Variants in DOCK1 observed in about 807,000 individuals in gnomAD.
The protein encoded by DOCK1 is dedicator of cytokinesis protein 1.
In DOCK1, 138 loss-of-function variants were observed where a neutral mutation model predicts 262.7. The ratio of observed to expected loss-of-function variants is 0.53; its 90% CI spans 0.46 to 0.61. DOCK1 has a LOEUF of 0.61. Ranked by LOEUF, DOCK1 falls within the 20% of genes least tolerant of loss-of-function variation. The pLI, the probability that DOCK1 is intolerant of heterozygous loss-of-function variation, is 0.00. For synonymous variants in DOCK1, 866 were observed against 867.4 expected, an observed-to-expected ratio of 1.00 and a Z score of 0.03; for missense variants, 1,908 against 2,370.7, an observed-to-expected ratio of 0.80 and a Z score of 4.05.
Position 127,110,286 on chromosome 10 carries a change from G to C in DOCK1, c.2555G>C (p.Gly852Ala). 6.2e-7 allele frequency: 1 copy of C among 1,613,576 alleles called. No individual in the cohort carries two copies. Among genetic ancestry groups the C allele is most frequent in the Non-Finnish European group, 8.5e-7 (1 of 1,179,774 alleles). The change falls in exon 25 of 52, where the codon GGC (glycine) becomes GCC (alanine). Residue 852 changes from glycine (G) to alanine (A), a missense_variant. Gly to Ala is a moderately conservative substitution (Grantham distance 60, BLOSUM62 0). Around this residue, in one of 9 missense-constraint regions of DOCK1, gnomAD observed 518 missense variants for 575.1 expected, o/e 0.90. Coordinates refer to ENST00000623213, the MANE Select transcript of DOCK1 (RefSeq NM_001290223.2). ...GAATTCATCCTCAATGTTCCCATGG[G>C]CTTGCTGACCATCCAGAAACTCTAC... ...FTEFILNVPM[G>A]LLTIQKLYCL... is the part of the protein sequence containing the mutation.
chr10:127,073,307 C>T (rs768427537), intron 23 of DOCK1, among the ~76,000 whole-genome samples: 10 of 152,110 alleles, frequency 6.6e-5, no homozygotes, highest in South Asian at 2.1e-4. Context: ...CAACTGATTC[C>T]GAAGTTCATG....
intron 6 of DOCK1, among the ~76,000 whole-genome samples, chr10:126,994,440 T>C (rs1276407183): frequency 1.3e-5 from 2 of 152,216 alleles, no homozygotes; most frequent in Non-Finnish European, 2.9e-5. Flanking sequence ...CAAAGGTCTC[T>C]GGTTTTCCTA....
At chr10:126,909,674 C>T (rs904923016) in intron 1 of DOCK1, among the ~76,000 whole-genome samples, 11 of 152,156 alleles carry the variant, frequency 7.2e-5, no homozygotes, top group Non-Finnish European at 1.5e-4. Flanking sequence ...CTTTCTTAGC[C>T]TTGGTTTTCT....
chr10:127,341,698 G>T (rs945384149), intron 30 of DOCK1, among the ~76,000 whole-genome samples: 1 of 152,112 alleles, frequency 6.6e-6, no homozygotes, highest in African/African-American at 2.4e-5. Context: ...CCTGGCTTTC[G>T]TCCTGTTTCA....
rs1226075729 is a variant in DOCK1 at position 127,043,157 on chromosome 10, G to T, written c.2194G>T (p.Ala732Ser). 1.9e-6 allele frequency: 3 copies of T among 1,606,366 alleles called. No homozygotes were observed. The highest frequency in any genetic ancestry group is 8.5e-7 in the Non-Finnish European group (1 of 1,176,040). ...TAAGAAACACTTTAGTGCAACGTTA[G>T]CCTACACGTAAGTTCCTACTTTGTT... is the stretch of plus-strand genomic sequence containing the variant. ...YIKKHFSATL[A>S]YTKLTKVLKN... is the part of the protein sequence containing the mutation. Residue 732 changes from alanine to serine, a missense_variant, in exon 21 of 52, where the codon GCC becomes TCC. Coordinates refer to ENST00000623213, the MANE Select transcript of DOCK1 (RefSeq NM_001290223.2).
At chr10:127,448,948 G>A (rs577753643) in intron 51 of DOCK1, among the ~76,000 whole-genome samples, 1 of 152,144 alleles carries the variant, frequency 6.6e-6, no homozygotes, top group African/African-American at 2.4e-5. Flanking sequence ...GGGTGTTTGT[G>A]TACAGCATAC....
chr10:127,209,649 G>C (rs766070593), intron 27 of DOCK1, among the ~76,000 whole-genome samples: 16 of 152,172 alleles, frequency 1.1e-4, no homozygotes, highest in Non-Finnish European at 2.4e-4. Flanking sequence ...ATTTGTAAAT[G>C]ATGGATTTGA....
chr10:127,326,170 G>C (rs2062741107), intron 29 of DOCK1, among the ~76,000 whole-genome samples: 1 of 152,174 alleles, frequency 6.6e-6, no homozygotes, highest in Admixed American at 6.5e-5. Flanking sequence ...GGGCTGAGGT[G>C]GCTATGACAG....
At chr10:126,953,916 A>G (rs1245803331) in intron 1 of DOCK1, among the ~76,000 whole-genome samples, 7 of 152,058 alleles carry the variant, frequency 4.6e-5, no homozygotes, top group Non-Finnish European at 1.0e-4. Context: ...ATGTGGAGAG[A>G]TGTTCAGTAG....
chr10:127,079,551 G>A (rs2046776285), intron 23 of DOCK1, among the ~76,000 whole-genome samples: 1 of 152,174 alleles, frequency 6.6e-6, no homozygotes, highest in Non-Finnish European at 1.5e-5. Context: ...TGTTGAGTGT[G>A]TCATGTGGCA....
At chr10:127,131,965 C>A (rs1388840701) in intron 27 of DOCK1, among the ~76,000 whole-genome samples, 1 of 152,186 alleles carries the variant, frequency 6.6e-6, no homozygotes, top group East Asian at 1.9e-4. Flanking sequence ...AAAAAGAACT[C>A]TGAAATTAAT....
At chr10:127,165,678 C>T (rs933962405) in intron 27 of DOCK1, among the ~76,000 whole-genome samples, 2 of 152,130 alleles carry the variant, frequency 1.3e-5, no homozygotes, top group Non-Finnish European at 2.9e-5. Flanking sequence ...AGGCATGTGA[C>T]GGTCCTCTGA....
intron 1 of DOCK1, among the ~76,000 whole-genome samples, chr10:126,909,796 G>A (rs1304737664): frequency 6.6e-6 from 1 of 152,238 alleles, no homozygotes; most frequent in African/African-American, 2.4e-5. Context: ...ACTCAACGAA[G>A]CGTTGCTTTT....
At chr10:127,060,735 T>C (rs1281013220) in intron 22 of DOCK1, among the ~76,000 whole-genome samples, 1 of 152,238 alleles carries the variant, frequency 6.6e-6, no homozygotes, top group East Asian at 1.9e-4. Context: ...AACTTCCTTA[T>C]TACCTATTTA....
intron 29 of DOCK1, among the ~76,000 whole-genome samples, chr10:127,304,100 C>T (rs1206380742): frequency 6.6e-6 from 1 of 152,094 alleles, no homozygotes. Flanking sequence ...ACAGCACGTG[C>T]CAAGCGATGG....
chr10:127,257,332 C>T lies in DOCK1; in HGVS notation c.2950-3C>T. The stretch of plus-strand genomic sequence containing the variant: ...ATTTCAGTGTTTTGTTTTTTTATTT[C>T]AGGATTTCCTAATGGAAACATTCAT... On this transcript the variant is annotated splice_polypyrimidine_tract_variant and splice_region_variant and intron_variant, in intron 28 of 51. Transcript: ENST00000623213. The T allele has an allele frequency of 6.3e-7, 1 of 1,581,552 alleles. No homozygotes were observed. Among genetic ancestry groups the T allele is most frequent in the Non-Finnish European group, 8.6e-7 (1 of 1,160,884 alleles).
At chr10:127,250,164 T>C (rs1564934228) in intron 28 of DOCK1, among the ~76,000 whole-genome samples, 1 of 152,226 alleles carries the variant, frequency 6.6e-6, no homozygotes, top group Non-Finnish European at 1.5e-5. Context: ...ATAGAAGAAT[T>C]ACTCACCTGG....
intron 9 of DOCK1, 70 bp from the exon 10 acceptor site, chr10:127,000,102 T>G (rs2040480341): frequency 1.3e-6 from 2 of 1,557,030 alleles, no homozygotes; most frequent in East Asian, 2.3e-5. Context: ...ATTTTTTTAC[T>G]GTCCTTTTCA....
At position 126,999,757 on chromosome 10, in the gene DOCK1, A is replaced by G. The variant is rs1421805855; in HGVS notation, c.849+322A>G. ...AATGGCGTGATCTCGGCTCACTGCA[A>G]CCTACGCCTCCTGGGTTCAAGCAGT... On this transcript the variant is annotated intron_variant, in intron 9 of 51. Transcript: ENST00000623213. Among the ~76,000 whole-genome samples, 5 of 152,132 alleles carry G rather than the reference A, an allele frequency of 3.3e-5. No individual in the cohort carries two copies. In the South Asian group the frequency reaches 6.2e-4, roughly 19 times the overall value.
Sources: gnomAD v4.1 joint callset for allele counts (sites outside exome capture counted in the v4.1 genomes callset) on GRCh38, gnomAD v4.1.1 for gene constraint, gnomAD v4.1.1 regional missense constraint, MANE v1.5 for transcripts, NCBI Gene and HGNC (gene_info 2026-07-23, HGNC 2026-07-21) for gene names.